CFAP65: variants seen among roughly 807,000 people sequenced by gnomAD.
CFAP65 encodes the protein cilia- and flagella-associated protein 65.
In CFAP65, 155 loss-of-function variants were observed where a neutral mutation model predicts 208.0. That is an observed-to-expected ratio of 0.75 (90% CI 0.65 to 0.85). The LOEUF (loss-of-function observed/expected upper bound fraction) is 0.85, where lower values mean the gene tolerates loss of function less well. CFAP65 is among the 40% of genes least tolerant of loss of function. The probability of loss-of-function intolerance (pLI) is 0.00; values close to 1 mark genes in which losing one functional copy is unlikely to be tolerated. For missense variants in CFAP65, 2,294 were observed against 2,451.3 expected (o/e 0.94, Z 1.36); for synonymous variants, 970 against 986.3 (o/e 0.98, Z 0.31).
chr2:219,010,726 G>T (rs371304601), intron 25 of CFAP65, 22 bp from the exon 26 acceptor site: 3 of 1,595,826 alleles, frequency 1.9e-6, no homozygotes, highest in East Asian at 2.2e-5. Context: ...GGAGGGTGGG[G>T]GTAGGGACTG....
At chr2:219,035,264 A>T in intron 5 of CFAP65, 1 of 1,431,962 alleles carries the variant, frequency 7.0e-7, no homozygotes, top group South Asian at 1.5e-5. Flanking sequence ...CTGGATGAAT[A>T]CATTATGGTA....
chr2:219,005,957 G>A lies in CFAP65; in HGVS notation c.4922+64C>T, dbSNP rs534899279. ...CATGGGTTGGGTCTGGGCAGCCCCT[G>A]CTCTGGAGTGGAAGAGGGGACAGAG... On this transcript the variant is annotated intron_variant, in intron 31 of 34. Transcript: ENST00000341552. The A allele has an allele frequency of 1.1e-5, 17 of 1,522,330 alleles. No homozygotes were observed. In the South Asian group the frequency reaches 1.6e-4, roughly 15 times the overall value. 94.3% of individuals were successfully genotyped at this position (1,522,330 alleles called of 1,614,324 possible). A position where few individuals can be genotyped will look rare whatever the true frequency, so the allele number is the denominator to read the frequency against.
intron 16 of CFAP65, among the ~76,000 whole-genome samples, chr2:219,022,893 C>T (rs1336965614): frequency 6.6e-6 from 1 of 152,222 alleles, no homozygotes; most frequent in African/African-American, 2.4e-5. Flanking sequence ...CTCCCAATGA[C>T]CTCCCAGCTT....
At position 219,041,410 on chromosome 2, in the gene CFAP65, C is replaced by T. The variant is rs927498195; in HGVS notation, c.-49+78G>A. The T allele has an allele frequency of 2.7e-6, 4 of 1,484,174 alleles. No homozygotes were observed. In the Admixed American group the frequency reaches 7.9e-5, roughly 29 times the overall value. 91.9% of individuals were successfully genotyped at this position (1,484,174 alleles called of 1,614,324 possible). A position where few individuals can be genotyped will look rare whatever the true frequency, so the allele number is the denominator to read the frequency against. On this transcript the variant is annotated intron_variant, in intron 1 of 34. Coordinates refer to ENST00000341552, the MANE Select transcript of CFAP65 (RefSeq NM_194302.4). Reference sequence around the variant, plus strand: ...ACGATTTCCCGAAGGATAGGGTCTCCCGGGACAGATACCTTCCCTGGCCAC... The same window carrying T: ...ACGATTTCCCGAAGGATAGGGTCTCTCGGGACAGATACCTTCCCTGGCCAC...
intron 24 of CFAP65, among the ~76,000 whole-genome samples, chr2:219,011,545 T>C (rs1946486610): frequency 6.6e-6 from 1 of 152,112 alleles, no homozygotes; most frequent in African/African-American, 2.4e-5. Context: ...GCCTCCCATA[T>C]TACTGGGATT....
In CFAP65 at chr2:219,021,836, T is replaced by C. The variant is rs1947284141; in HGVS notation, c.3074A>G (p.Tyr1025Cys). The C allele has an allele frequency of 6.2e-7, 1 of 1,613,666 alleles. No homozygotes were observed. The highest frequency in any genetic ancestry group is 1.6e-4 in the Middle Eastern group (1 of 6,062). Residue 1025 changes from tyrosine to cysteine, a missense_variant, in exon 18 of 35, where the codon TAT becomes TGT. Coordinates refer to ENST00000341552, the MANE Select transcript of CFAP65 (RefSeq NM_194302.4). Reference protein sequence around the residue: ...VLLNDGNCTLYYRLYLEQGSP... With the variant: ...VLLNDGNCTLCYRLYLEQGSP... ...GCCCTGCTCCAGGTAGAGGCGGTAA[T>C]AGAGGGTGCAGTTGCCGTCATTCAG...
intron 11 of CFAP65, 68 bp from the exon 12 acceptor site, chr2:219,028,469 G>C (rs893747141): frequency 4.3e-6 from 6 of 1,379,592 alleles, no homozygotes; most frequent in Non-Finnish European, 5.2e-6. Flanking sequence ...GCTGGGGGTT[G>C]AACTGAGGAC....
intron 4 of CFAP65, among the ~76,000 whole-genome samples, chr2:219,036,617 G>C (rs1382344668): frequency 1.3e-5 from 2 of 151,988 alleles, no homozygotes; most frequent in East Asian, 1.9e-4. Context: ...GCTGATTTTT[G>C]TATTTCTGTA....
At chr2:219,028,515 GC>G (rs1947809992) in intron 11 of CFAP65, 114 bp from the exon 12 acceptor site, 1 of 899,000 alleles carries the variant, frequency 1.1e-6, no homozygotes. Flanking sequence ...AGGCAGTGGG[GC>G]AGAAGCTCCA....
chr2:219,035,662 G>T lies in CFAP65; in HGVS notation c.360C>A (p.Pro120=), dbSNP rs368785817. Residue 120 remains proline, a splice_region_variant and synonymous_variant, in exon 5 of 35, where the codon CCC becomes CCA. Coordinates refer to ENST00000341552, the MANE Select transcript of CFAP65 (RefSeq NM_194302.4). ...MSACSTISAQ[P]ASSMDTQMHS... is the part of the protein sequence containing the mutation. ...GCATCTGAGTGTCCATGGAGCTTGC[G>T]GGCTGTTCAGGTGGCAGGGAGAAGG... 1.2e-6 allele frequency: 2 copies of T among 1,610,986 alleles called. No individual in the cohort carries two copies. Among genetic ancestry groups the T allele is most frequent in the East Asian group, 4.5e-5 (2 of 44,826 alleles).
At chr2:219,026,215 G>C (rs1947622783) in intron 13 of CFAP65, 56 bp from the exon 14 acceptor site, 1 of 1,573,720 alleles carries the variant, frequency 6.4e-7, no homozygotes, top group African/African-American at 1.4e-5. Flanking sequence ...GCCCTGTGGG[G>C]CACCCCATTT....
At chr2:219,038,804 G>C in intron 3 of CFAP65, 92 bp downstream of exon 3, 1 of 1,386,948 alleles carries the variant, frequency 7.2e-7, no homozygotes, top group Non-Finnish European at 9.7e-7. Flanking sequence ...AGAGGGACTT[G>C]GGGACAAGGC....
intron 14 of CFAP65, 67 bp from the exon 15 acceptor site, chr2:219,024,327 C>T (rs1269821924): frequency 1.2e-5 from 19 of 1,535,058 alleles, no homozygotes; most frequent in East Asian, 9.0e-5. Context: ...ACACTCAGGG[C>T]CCTATGGGGG....
intron 19 of CFAP65, among the ~76,000 whole-genome samples, chr2:219,020,917 A>G (rs1420799811): frequency 6.6e-6 from 1 of 152,206 alleles, no homozygotes; most frequent in Non-Finnish European, 1.5e-5. Context: ...AAGATTTCAC[A>G]ATAAGTCAGC....
intron 26 of CFAP65, 115 bp from the exon 27 acceptor site, chr2:219,010,200 G>C (rs993288853): frequency 9.7e-7 from 1 of 1,029,930 alleles, no homozygotes; most frequent in Non-Finnish European, 1.4e-6. Flanking sequence ...TCAGAAAATC[G>C]AGACCACTGT....
intron 29 of CFAP65, among the ~76,000 whole-genome samples, chr2:219,008,794 G>A (rs1351407960): frequency 1.3e-5 from 2 of 152,210 alleles, no homozygotes; most frequent in Non-Finnish European, 2.9e-5. Context: ...AATCTCCAGT[G>A]TGCAGCACAC....
chr2:219,029,824 T>C (rs1947895399), intron 10 of CFAP65, 156 bp from the exon 11 acceptor site: 4 of 1,144,660 alleles, frequency 3.5e-6, no homozygotes, highest in African/African-American at 1.6e-5. Context: ...GACTGGGATC[T>C]CCAGGTAGTC....
chr2:219,027,876 G>T lies in CFAP65; in HGVS notation c.1985C>A (p.Ala662Asp), dbSNP rs1412134700. 1 of 1,561,044 alleles carries T rather than the reference G, an allele frequency of 6.4e-7. No individual in the cohort carries two copies. Among genetic ancestry groups the T allele is most frequent in the South Asian group, 1.2e-5 (1 of 81,896 alleles). ...SVEPVEVDFGACPGPEAPNPV... is the reference protein window; with the variant it reads ...SVEPVEVDFGDCPGPEAPNPV... ...GTTGGGGGCCTCAGGCCCTGGGCAGGCACCGAAGTCTACCTCGACAGGCTC... is the reference window on the plus strand; with the variant it reads ...GTTGGGGGCCTCAGGCCCTGGGCAGTCACCGAAGTCTACCTCGACAGGCTC... Residue 662 changes from alanine to aspartate, a missense_variant, in exon 13 of 35, where the codon GCC (alanine) becomes GAC (aspartate). Ala to Asp is a moderately radical substitution (Grantham distance 126, BLOSUM62 -2). Transcript: ENST00000341552.
intron 21 of CFAP65, among the ~76,000 whole-genome samples, chr2:219,018,076 C>G (rs1034531463): frequency 6.6e-6 from 1 of 152,150 alleles, no homozygotes; most frequent in Non-Finnish European, 1.5e-5. Flanking sequence ...CCCTCTCACT[C>G]CACATTCCCC....
Sources: allele counts gnomAD v4.1 joint callset (sites outside exome capture counted in the v4.1 genomes callset), GRCh38; gene constraint gnomAD v4.1.1; transcripts MANE v1.5; gene names NCBI Gene and HGNC (gene_info 2026-07-23, HGNC 2026-07-21).